TENM2: variants seen among roughly 807,000 people sequenced by gnomAD.
TENM2 encodes the protein teneurin transmembrane protein 2.
In TENM2, 52 loss-of-function variants were observed where a neutral mutation model predicts 245.2. The observed-to-expected ratio is 0.21, with a 90% confidence interval of 0.17 to 0.27. The LOEUF is 0.27. Among genes scored for constraint, TENM2 ranks in the 10% least tolerant of loss-of-function variants. TENM2 has a pLI of 1.00. For missense variants in TENM2, 3,046 were observed against 3,666.8 expected, an observed-to-expected ratio of 0.83 and a Z score of 4.37; for synonymous variants, 1,363 against 1,438.9, an observed-to-expected ratio of 0.95 and a Z score of 1.19.
intron 2 of TENM2, among the ~76,000 whole-genome samples, chr5:167,567,788 T>TAGCTGTAA (rs1379007711): frequency 1.3e-5 from 2 of 152,266 alleles, no homozygotes; most frequent in Non-Finnish European, 2.9e-5. Context: ...ACTTTTACAT[T>TAGCTGTAA]ATACTAGCTG....
intron 25 of TENM2, among the ~76,000 whole-genome samples, chr5:168,234,157 G>T (rs2161300): frequency 0.3 from 45,170 of 151,858 alleles, 9,540 homozygotes; most frequent in East Asian, 0.62. Flanking sequence ...TTGCGGGGGT[G>T]GGGGGTGGTC....
At chr5:168,257,494 T>A (rs914211790) in intron 27 of TENM2, among the ~76,000 whole-genome samples, 1 of 152,144 alleles carries the variant, frequency 6.6e-6, no homozygotes, top group African/African-American at 2.4e-5. Context: ...GGAGATGTGG[T>A]CAGACAGGTC....
At chr5:167,247,207 A>G in the TENM2 span, among the ~76,000 whole-genome samples, 11 of 152,260 alleles carry the variant, frequency 7.2e-5, no homozygotes, top group East Asian at 2.1e-3. Context: ...GCTCAGACAC[A>G]CAGAGCTTAA....
chr5:167,509,928 A>G (rs1769817377), intron 2 of TENM2, among the ~76,000 whole-genome samples: 4 of 152,332 alleles, frequency 2.6e-5, no homozygotes, highest in Admixed American at 6.5e-5. Context: ...TGATAGAACA[A>G]TATATCATAG....
chr5:167,065,738 C>T, the TENM2 span, among the ~76,000 whole-genome samples: 1 of 152,128 alleles, frequency 6.6e-6, no homozygotes, highest in African/African-American at 2.4e-5. Context: ...CCATAAAGCC[C>T]ATTTAAAGGT....
At chr5:167,776,471 C>G (rs1405473210) in intron 2 of TENM2, among the ~76,000 whole-genome samples, 3 of 151,210 alleles carry the variant, frequency 2.0e-5, no homozygotes, top group African/African-American at 7.3e-5. Context: ...TGGCGTATGC[C>G]TGTAGTCCCA....
chr5:168,029,079 C>A (rs983666332), intron 5 of TENM2, among the ~76,000 whole-genome samples: 1 of 152,162 alleles, frequency 6.6e-6, no homozygotes, highest in East Asian at 1.9e-4. Flanking sequence ...AAGATCAAGG[C>A]ACCTGCAGAT....
intron 2 of TENM2, among the ~76,000 whole-genome samples, chr5:167,535,786 C>A (rs984026765): frequency 1.3e-5 from 2 of 152,152 alleles, no homozygotes; most frequent in African/African-American, 2.4e-5. Flanking sequence ...AGTTTCTATT[C>A]TTTATAAATT....
chr5:168,229,076 A>G (rs1240966850), intron 25 of TENM2, among the ~76,000 whole-genome samples: 2 of 148,802 alleles, frequency 1.3e-5, no homozygotes, highest in Non-Finnish European at 3.0e-5. Flanking sequence ...AATTATATGT[A>G]TAATTATAAT....
intron 2 of TENM2, among the ~76,000 whole-genome samples, chr5:167,537,587 CT>C (rs1263102991): frequency 1.3e-5 from 2 of 152,182 alleles, no homozygotes; most frequent in African/African-American, 4.8e-5. Context: ...ATCATTTGTT[CT>C]TTTGTTCTCA....
intron 2 of TENM2, among the ~76,000 whole-genome samples, chr5:167,832,191 T>G (rs1768561074): frequency 6.6e-6 from 1 of 152,174 alleles, no homozygotes; most frequent in African/African-American, 2.4e-5. Context: ...TATTAAAAAA[T>G]TAAAGAGGAA....
At chr5:168,047,358 G>A (rs1337368050) in intron 5 of TENM2, 69 bp from the exon 8 acceptor site, 1 of 1,536,026 alleles carries the variant, frequency 6.5e-7, no homozygotes, top group Non-Finnish European at 8.8e-7. Flanking sequence ...AGGGCACCTG[G>A]CCCTCCCCCT....
intron 2 of TENM2, among the ~76,000 whole-genome samples, chr5:167,466,854 A>G (rs1166544685): frequency 2.0e-5 from 3 of 152,128 alleles, no homozygotes; most frequent in Non-Finnish European, 2.9e-5. Flanking sequence ...CCCACGTACT[A>G]ATACTGTGTA....
At chr5:167,408,800 A>G (rs897026188) in intron 2 of TENM2, among the ~76,000 whole-genome samples, 13 of 150,328 alleles carry the variant, frequency 8.6e-5, no homozygotes, top group African/African-American at 2.9e-4. Context: ...ACATATATAT[A>G]TATAATTTAA....
chr5:167,191,302 T>G, the TENM2 span, among the ~76,000 whole-genome samples: 1 of 152,140 alleles, frequency 6.6e-6, no homozygotes, highest in African/African-American at 2.4e-5. Flanking sequence ...GTCATTAAAA[T>G]ATATATATGT....
intron 2 of TENM2, among the ~76,000 whole-genome samples, chr5:167,632,437 AAT>A (rs1778935279): frequency 6.6e-6 from 1 of 152,216 alleles, no homozygotes; most frequent in Admixed American, 6.5e-5. Flanking sequence ...AAAAATCAAT[AAT>A]TCTACTCAGC....
At chr5:167,182,553 A>T in the TENM2 span, among the ~76,000 whole-genome samples, 2 of 152,060 alleles carry the variant, frequency 1.3e-5, no homozygotes, top group Non-Finnish European at 2.9e-5. Context: ...TATGTTCTTT[A>T]TTGTTTTTAC....
intron 2 of TENM2, among the ~76,000 whole-genome samples, chr5:167,461,510 C>T (rs1448550352): frequency 6.6e-6 from 1 of 152,106 alleles, no homozygotes; most frequent in Non-Finnish European, 1.5e-5. Flanking sequence ...CACTGTGATG[C>T]CAACGTGCTG....
intron 6 of TENM2, among the ~76,000 whole-genome samples, chr5:168,052,091 C>G (rs1275917738): frequency 6.6e-6 from 1 of 151,260 alleles, no homozygotes; most frequent in Non-Finnish European, 1.5e-5. Flanking sequence ...GAGACCTCAT[C>G]CCTATTTTTA....
Sources: allele counts gnomAD v4.1 joint callset (sites outside exome capture counted in the v4.1 genomes callset), GRCh38; gene constraint gnomAD v4.1.1; transcripts MANE v1.5; gene names NCBI Gene and HGNC (gene_info 2026-07-23, HGNC 2026-07-21).